HYDIN: variants seen among roughly 807,000 people sequenced by gnomAD.
HYDIN encodes axonemal central pair apparatus protein HYDIN.
In HYDIN, 132 loss-of-function variants were observed where a neutral mutation model predicts 403.9. The ratio of observed to expected loss-of-function variants is 0.33; its 90% CI spans 0.28 to 0.38. The LOEUF (loss-of-function observed/expected upper bound fraction) is 0.38. Ranked by LOEUF, HYDIN falls within the 10% of genes least tolerant of loss-of-function variation. The pLI is 1.00. For missense variants in HYDIN, 2,827 were observed against 5,009.5 expected, an observed-to-expected ratio of 0.56 and a Z score of 13.15; for synonymous variants, 1,202 against 1,891.7, an observed-to-expected ratio of 0.64 and a Z score of 9.46.
chr16:71,020,860 T>C (rs1381709841), intron 21 of HYDIN, among the ~76,000 whole-genome samples: 1 of 146,080 alleles, frequency 6.8e-6, no homozygotes, highest in African/African-American at 2.5e-5. Flanking sequence ...TACTGAAAAG[T>C]GGACCTACAT....
At chr16:70,916,741 T>A (rs2076851327) in intron 47 of HYDIN, among the ~76,000 whole-genome samples, 1 of 152,238 alleles carries the variant, frequency 6.6e-6, no homozygotes, top group African/African-American at 2.4e-5. Flanking sequence ...ACTGCCTTTT[T>A]AGAGAGACCA....
At chr16:71,226,047 T>C (rs900292734) in intron 1 of HYDIN, among the ~76,000 whole-genome samples, 3 of 152,224 alleles carry the variant, frequency 2.0e-5, no homozygotes, top group Non-Finnish European at 4.4e-5. Context: ...TTTTTGGAGA[T>C]GTTAACCTTT....
chr16:71,030,096 G>C (rs7184857), intron 19 of HYDIN, among the ~76,000 whole-genome samples: 63,890 of 138,932 alleles, frequency 0.46, 13,636 homozygotes, highest in Non-Finnish European at 0.5. Flanking sequence ...GTTGCCCATG[G>C]TGGAGTTGCA....
At position 71,186,822 on chromosome 16, in the gene HYDIN, T is replaced by G; in HGVS notation, c.74A>C (p.Gln25Pro). Reference protein sequence around the residue: ...MGLVNMFKGFQSKVLPPLSPK... With the variant: ...MGLVNMFKGFPSKVLPPLSPK... ...ACTCAGGGGTGGCAAAACCTTGCTT[T>G]GAAATCCTTTGAACATATTGACCAA... The change falls in exon 2 of 86, where the codon CAA (glutamine) becomes CCA (proline). Residue 25 changes from glutamine (Q) to proline (P), a missense_variant. Coordinates refer to ENST00000393567, the MANE Select transcript of HYDIN (RefSeq NM_001270974.2). 1 of 1,613,592 alleles carries G rather than the reference T, an allele frequency of 6.2e-7. No homozygotes were observed. Among genetic ancestry groups the G allele is most frequent in the Non-Finnish European group, 8.5e-7 (1 of 1,179,620 alleles).
chr16:71,081,346 G>A (rs1469901672), intron 12 of HYDIN, among the ~76,000 whole-genome samples: 1 of 150,836 alleles, frequency 6.6e-6, no homozygotes, highest in Non-Finnish European at 1.5e-5. Context: ...ACTTTCTCAT[G>A]AGCATTTATT....
rs915184316 is a variant in HYDIN, at chr16:70,868,448, G to C, written c.11310+122C>G. 1.3e-5 allele frequency: 18 copies of C among 1,419,616 alleles called. No individual in the cohort carries two copies. In the Admixed American group the frequency reaches 4.1e-4, roughly 33 times the overall value. 87.9% of individuals were successfully genotyped at this position (1,419,616 alleles called of 1,614,324 possible). A position where few individuals can be genotyped will look rare whatever the true frequency, so the allele number is the denominator to read the frequency against. On this transcript the variant is annotated intron_variant, in intron 66 of 85. Transcript: ENST00000393567. ...TTTAGTTTGTCACTTTTGGAGTCAAGGTCAAGTAGAATGGGAACCTTTTCT... is the reference window on the plus strand; with the variant it reads ...TTTAGTTTGTCACTTTTGGAGTCAACGTCAAGTAGAATGGGAACCTTTTCT...
intron 8 of HYDIN, among the ~76,000 whole-genome samples, chr16:71,134,765 C>T (rs1325071992): frequency 3.3e-5 from 5 of 152,164 alleles, no homozygotes; most frequent in South Asian, 2.1e-4. Context: ...ACAGTTACTT[C>T]AAGGACAAGA....
chr16:71,063,532 C>A (rs1295228121), intron 16 of HYDIN, among the ~76,000 whole-genome samples: 2 of 152,204 alleles, frequency 1.3e-5, no homozygotes, highest in Non-Finnish European at 2.9e-5. Flanking sequence ...TTCCCCTGAC[C>A]CCAGATGCAC....
At chr16:71,141,540 G>C (rs528321331) in intron 7 of HYDIN, among the ~76,000 whole-genome samples, 154 of 151,788 alleles carry the variant, frequency 1.0e-3, no homozygotes, top group African/African-American at 3.6e-3. Flanking sequence ...GACTGTAAAA[G>C]GGATACAGGA....
intron 1 of HYDIN, among the ~76,000 whole-genome samples, chr16:71,187,270 GA>G (rs1247782192): frequency 5.9e-5 from 9 of 152,114 alleles, no homozygotes; most frequent in African/African-American, 2.2e-4. Context: ...CTACATATTT[GA>G]AAGCGCTCTC....
chr16:70,882,511 G>C lies in HYDIN; in HGVS notation c.10215+149C>G, dbSNP rs2040871856. 11 of 595,382 alleles carry C rather than the reference G, an allele frequency of 1.8e-5. No homozygotes were observed. The South Asian group carries it at 2.2e-4, about 12-fold the overall frequency. 36.9% of individuals were successfully genotyped at this position (595,382 alleles called of 1,614,324 possible). A position where few individuals can be genotyped will look rare whatever the true frequency, so the allele number is the denominator to read the frequency against. On this transcript the variant is annotated intron_variant, in intron 60 of 85. Transcript: ENST00000393567. ...GACAAATGTATCACCACTGGCCTAG[G>C]GGAAAGCCCCCGGTTACTTCACATA...
intron 71 of HYDIN, among the ~76,000 whole-genome samples, chr16:70,859,706 C>T (rs916473262): frequency 2.2e-4 from 33 of 152,286 alleles, no homozygotes; most frequent in Non-Finnish European, 4.0e-4. Flanking sequence ...AAAAACACAT[C>T]GTGTCCTTTC....
At chr16:70,987,344 A>C (rs1409819540) in intron 27 of HYDIN, among the ~76,000 whole-genome samples, 1 of 151,040 alleles carries the variant, frequency 6.6e-6, no homozygotes, top group African/African-American at 2.4e-5. Context: ...TGACAGGATG[A>C]CAACACCATT....
intron 18 of HYDIN, among the ~76,000 whole-genome samples, chr16:71,047,748 G>T (rs1413555250): frequency 6.8e-6 from 1 of 148,126 alleles, no homozygotes; most frequent in Non-Finnish European, 1.5e-5. Flanking sequence ...CATATTTATG[G>T]AGTACAGAGT....
At chr16:71,200,473 T>A (rs2087942257) in intron 1 of HYDIN, among the ~76,000 whole-genome samples, 3 of 152,178 alleles carry the variant, frequency 2.0e-5, no homozygotes, top group Admixed American at 6.5e-5. Flanking sequence ...CATCCATTCA[T>A]GCCACCTAAT....
intron 1 of HYDIN, among the ~76,000 whole-genome samples, chr16:71,229,338 G>A (rs73579076): frequency 0.046 from 7,017 of 152,194 alleles, 244 homozygotes; most frequent in Middle Eastern, 0.15. Context: ...AAGATCACCT[G>A]CTAACAAGGT....
At chr16:70,853,706 G>A (rs1221050139) in intron 73 of HYDIN, among the ~76,000 whole-genome samples, 6 of 140,522 alleles carry the variant, frequency 4.3e-5, no homozygotes, top group Non-Finnish European at 9.0e-5. Context: ...TTGGGGGAAG[G>A]GAAAGGGTGT....
intron 3 of HYDIN, among the ~76,000 whole-genome samples, chr16:71,180,284 A>G (rs142113454): frequency 6.6e-5 from 10 of 152,200 alleles, no homozygotes; most frequent in African/African-American, 2.4e-4. Context: ...ATTCCTAGAA[A>G]AATACAATAA....
intron 55 of HYDIN, 57 bp from the exon 56 acceptor site, chr16:70,892,586 C>T (rs2041536301): frequency 1.3e-6 from 2 of 1,556,052 alleles, no homozygotes; most frequent in East Asian, 2.3e-5. Flanking sequence ...CTCAAGATCC[C>T]AGAGAGGAGA....
Sources: allele counts gnomAD v4.1 joint callset (sites outside exome capture counted in the v4.1 genomes callset), GRCh38; gene constraint gnomAD v4.1.1; transcripts MANE v1.5; gene names NCBI Gene and HGNC (gene_info 2026-07-23, HGNC 2026-07-21).